Variants in RXFP1 observed in about 807,000 individuals in gnomAD.
RXFP1 encodes the protein relaxin receptor 1.
In RXFP1, 73 loss-of-function variants were observed where a neutral mutation model predicts 89.8. The observed-to-expected ratio is 0.81, with a 90% CI of 0.67 to 0.99. The LOEUF (loss-of-function observed/expected upper bound fraction) is 0.99. Among genes scored for constraint, RXFP1 ranks in the 50% least tolerant of loss-of-function variants. The pLI is 0.00. For missense variants in RXFP1, 793 were observed against 895.5 expected, an observed-to-expected ratio of 0.89 and a Z score of 1.46; for synonymous variants, 277 against 305.5, an observed-to-expected ratio of 0.91 and a Z score of 0.97.
chr4:158,573,485 GA>G (rs1311946353), intron 2 of RXFP1, among the ~76,000 whole-genome samples: 1 of 152,140 alleles, frequency 6.6e-6, no homozygotes, highest in East Asian at 1.9e-4. Context: ...GAAAGCATTA[GA>G]TTTTTTTTGT....
intron 1 of RXFP1, among the ~76,000 whole-genome samples, chr4:158,548,072 T>G (rs1328281654): frequency 1.3e-5 from 2 of 152,182 alleles, no homozygotes; most frequent in Admixed American, 6.5e-5. Context: ...CCATTATTAT[T>G]ATGTGGGAGC....
chr4:158,582,128 C>T (rs1295007574), intron 2 of RXFP1, among the ~76,000 whole-genome samples: 1 of 152,204 alleles, frequency 6.6e-6, no homozygotes, highest in Non-Finnish European at 1.5e-5. Flanking sequence ...ACTCCTAATA[C>T]TACCACATTG....
intron 1 of RXFP1, among the ~76,000 whole-genome samples, chr4:158,540,518 A>C (rs758389753): frequency 6.6e-6 from 1 of 151,580 alleles, no homozygotes; most frequent in Non-Finnish European, 1.5e-5. Flanking sequence ...TCTGTACCGC[A>C]ACCTGTTTTA....
At chr4:158,564,935 T>A (rs116497267) in intron 1 of RXFP1, among the ~76,000 whole-genome samples, 1 of 152,234 alleles carries the variant, frequency 6.6e-6, no homozygotes, top group South Asian at 2.1e-4. Context: ...TTTCTACTTC[T>A]GTTCCTAAAC....
intron 2 of RXFP1, among the ~76,000 whole-genome samples, chr4:158,577,855 T>C (rs1756563397): frequency 6.6e-6 from 1 of 152,182 alleles, no homozygotes; most frequent in South Asian, 2.1e-4. Flanking sequence ...TACTCTTATT[T>C]AGTACATATT....
chr4:158,543,654 C>A, intron 1 of RXFP1: 1 of 557,316 alleles, frequency 1.8e-6, no homozygotes, highest in Non-Finnish European at 2.3e-6. Flanking sequence ...TTTATTTATT[C>A]CCCACTTCTC....
chr4:158,640,272 T>G lies in RXFP1; in HGVS notation c.1115+941T>G, dbSNP rs78442564. On this transcript the variant is annotated intron_variant, in intron 14 of 17. Coordinates refer to ENST00000307765, the MANE Select transcript of RXFP1 (RefSeq NM_021634.4). The stretch of plus-strand genomic sequence containing the variant: ...CTCAGCTCTAATAACTGTTCACAGA[T>G]ATTGATGTTTGCCTAATGAGCTAGT... 8.8e-3 allele frequency among the ~76,000 whole-genome samples: 1,333 copies of G among 152,330 alleles called. 21 individuals carry two copies. The highest frequency in any genetic ancestry group is 0.03 in the African/African-American group (1,266 of 41,556).
At chr4:158,607,636 G>A (rs936310461) in intron 5 of RXFP1, among the ~76,000 whole-genome samples, 4 of 152,058 alleles carry the variant, frequency 2.6e-5, no homozygotes, top group Admixed American at 6.5e-5. Flanking sequence ...AGTAAGCTTT[G>A]GCTGTTATTC....
intron 1 of RXFP1, among the ~76,000 whole-genome samples, chr4:158,550,914 A>G (rs1749941733): frequency 6.6e-6 from 1 of 152,202 alleles, no homozygotes; most frequent in South Asian, 2.1e-4. Context: ...TTATGAAGAT[A>G]AAGTGAAACA....
intron 12 of RXFP1, among the ~76,000 whole-genome samples, chr4:158,635,511 C>T (rs10019059): frequency 0.099 from 15,100 of 152,002 alleles, 2,410 homozygotes; most frequent in African/African-American, 0.34. Flanking sequence ...CTGCCTTTCA[C>T]TTTTTTTTCT....
At position 158,628,653 on chromosome 4, in the gene RXFP1, C is replaced by T. The variant is rs1767409942; in HGVS notation, c.843C>T (p.Asn281=). Residue 281 remains asparagine (N), a synonymous_variant, in exon 11 of 18, where the codon AAC becomes AAT. Coordinates refer to ENST00000307765, the MANE Select transcript of RXFP1 (RefSeq NM_021634.4). ...SNLTVLVMRK[N]KINHLNENTF... is the part of the protein sequence containing the mutation. ...TTACTTTCAGAGTGATGAGGAAAAA[C>T]AAAATTAATCACTTAAATGAAAATA... is the stretch of plus-strand genomic sequence containing the variant. 38 of 1,560,208 alleles carry T rather than the reference C, an allele frequency of 2.4e-5. 1 individual carries two copies. In the East Asian group the frequency reaches 8.4e-4, roughly 34 times the overall value.
At chr4:158,640,628 TCTACCCCATGACCCAAACACCTC>T (rs1770192793) in intron 14 of RXFP1, among the ~76,000 whole-genome samples, 1 of 152,118 alleles carries the variant, frequency 6.6e-6, no homozygotes, top group Non-Finnish European at 1.5e-5. Flanking sequence ...TCATGAGGGA[TCTACCCCATGACCCAAACACCTC>T]CTACTGGGCC....
At chr4:158,578,213 C>G (rs190186326) in intron 2 of RXFP1, among the ~76,000 whole-genome samples, 1 of 152,252 alleles carries the variant, frequency 6.6e-6, no homozygotes, top group Admixed American at 6.5e-5. Context: ...TTATATCATT[C>G]CCATATAATT....
At chr4:158,581,105 G>T (rs1757272018) in intron 2 of RXFP1, among the ~76,000 whole-genome samples, 1 of 152,158 alleles carries the variant, frequency 6.6e-6, no homozygotes, top group Non-Finnish European at 1.5e-5. Flanking sequence ...ATGACTATTT[G>T]TGACACTATA....
chr4:158,568,637 GAA>G (rs111542334), intron 1 of RXFP1, among the ~76,000 whole-genome samples: 1 of 152,140 alleles, frequency 6.6e-6, no homozygotes, highest in East Asian at 1.9e-4. Flanking sequence ...ACAATTGGTT[GAA>G]AAAAGATTAA....
intron 1 of RXFP1, among the ~76,000 whole-genome samples, chr4:158,540,485 G>A (rs987193904): frequency 1.3e-5 from 2 of 151,684 alleles, no homozygotes; most frequent in African/African-American, 4.8e-5. Flanking sequence ...CACCATCTTG[G>A]TTTTGGAAGG....
In RXFP1 at chr4:158,626,718, T is replaced by C. The variant is rs532459489; in HGVS notation, c.756-102T>C. ...GTGAGAGTCTATATGAAATAAACAG[T>C]ATGTAAAGAAAAGATATTTTATTAG... On this transcript the variant is annotated intron_variant, in intron 9 of 17. Transcript: ENST00000307765. 26 of 658,492 alleles carry C rather than the reference T, an allele frequency of 3.9e-5. No individual in the cohort carries two copies. In the East Asian group the frequency reaches 6.8e-4, roughly 17 times the overall value. The allele number at this position is 658,492 out of a possible 1,614,324, so 40.8% of individuals were successfully genotyped here. A position where few individuals can be genotyped will look rare whatever the true frequency, so the allele number is the denominator to read the frequency against.
Position 158,633,400 on chromosome 4 carries a change from T to C in RXFP1, c.900-5T>C. 2 of 1,550,826 alleles carry C rather than the reference T, an allele frequency of 1.3e-6. No individual in the cohort carries two copies. Among genetic ancestry groups the C allele is most frequent in the East Asian group, 2.3e-5 (1 of 44,402 alleles). On this transcript the variant is annotated splice_polypyrimidine_tract_variant and splice_region_variant and intron_variant, in intron 11 of 17. Transcript: ENST00000307765. ...AATATCACATATTTGCAATTATTTC[T>C]CCAGGGATTTAGGAAGTAATAAGAT...
intron 3 of RXFP1, among the ~76,000 whole-genome samples, chr4:158,593,910 G>A (rs748723361): frequency 2.6e-5 from 4 of 152,156 alleles, no homozygotes; most frequent in Non-Finnish European, 4.4e-5. Context: ...AAATTCTTCT[G>A]AGCTGCAAAA....
Sources: allele counts gnomAD v4.1 joint callset (sites outside exome capture counted in the v4.1 genomes callset), GRCh38; gene constraint gnomAD v4.1.1; transcripts MANE v1.5; gene names NCBI Gene and HGNC (gene_info 2026-07-23, HGNC 2026-07-21).